The following TRABD2A variants were observed in gnomAD, a reference collection of about 807,000 sequenced individuals.
TRABD2A encodes TraB domain containing 2A, also known as metalloprotease TIKI1.
Under a neutral mutation model 45.6 loss-of-function variants are expected in TRABD2A, and 43 were observed. The observed-to-expected ratio is 0.94, with a 90% confidence interval of 0.74 to 1.22. The LOEUF (loss-of-function observed/expected upper bound fraction) is 1.22. Ranked by LOEUF, TRABD2A falls within the 50% of genes most tolerant of loss-of-function variation. TRABD2A has a pLI of 0.00. For missense variants in TRABD2A, 642 were observed against 652.4 expected, an observed-to-expected ratio of 0.98 and a Z score of 0.17; for synonymous variants, 269 against 265.0, an observed-to-expected ratio of 1.02 and a Z score of -0.15.
chr2:84,877,609 A>C (rs1398346205), intron 1 of TRABD2A, among the ~76,000 whole-genome samples: 7 of 152,138 alleles, frequency 4.6e-5, no homozygotes, highest in Admixed American at 4.6e-4. Flanking sequence ...TGTCTCAAAA[A>C]AGAAAAAAGA....
rs1434830586 is a variant in TRABD2A at position 84,834,179 on chromosome 2, C to T, written c.992-2034G>A. ...ACTTTCTCATCTGGGGTCTGCACCA[C>T]TGTTACGGTGCCTCAAGAGTGAGGC... On this transcript the variant is annotated intron_variant, in intron 4 of 6. Transcript: ENST00000409520. 6 of 152,238 alleles carry T rather than the reference C, an allele frequency of 3.9e-5. 1 individual carries two copies. The highest frequency in any genetic ancestry group is 1.4e-4 in the African/African-American group (6 of 41,456). The allele number at this position is 152,238 out of a possible 1,614,324, so 9.4% of individuals were successfully genotyped here.
intron 3 of TRABD2A, among the ~76,000 whole-genome samples, chr2:84,840,282 CT>C (rs201456313): frequency 5.9e-5 from 9 of 151,506 alleles, no homozygotes; most frequent in African/African-American, 1.7e-4. Flanking sequence ...ACTCTGTCAT[CT>C]TTTTTTTTAA....
At chr2:84,822,733 C>G (rs1277566896) in intron 6 of TRABD2A, among the ~76,000 whole-genome samples, 1 of 152,174 alleles carries the variant, frequency 6.6e-6, no homozygotes, top group Admixed American at 6.5e-5. Flanking sequence ...GACATGAACA[C>G]CATCAGAAGC....
chr2:84,871,834 G>T (rs1682880130), intron 1 of TRABD2A, among the ~76,000 whole-genome samples: 1 of 152,198 alleles, frequency 6.6e-6, no homozygotes, highest in African/African-American at 2.4e-5. Flanking sequence ...GTACCGCCAA[G>T]GTTGAAACTA....
At chr2:84,855,862 G>T (rs778804757) in intron 2 of TRABD2A, among the ~76,000 whole-genome samples, 8 of 152,066 alleles carry the variant, frequency 5.3e-5, no homozygotes, top group Non-Finnish European at 4.4e-5. Context: ...GTTCGAGTCC[G>T]GCAGATGTCT....
At chr2:84,871,765 G>A (rs1352685404) in intron 1 of TRABD2A, among the ~76,000 whole-genome samples, 3 of 152,178 alleles carry the variant, frequency 2.0e-5, no homozygotes, top group East Asian at 1.9e-4. Context: ...AATTACAGGC[G>A]TGAGCCATTG....
intron 2 of TRABD2A, among the ~76,000 whole-genome samples, chr2:84,860,763 T>C (rs1166555515): frequency 6.6e-6 from 1 of 152,270 alleles, no homozygotes; most frequent in Non-Finnish European, 1.5e-5. Context: ...TTCTCCTCTC[T>C]GCCTTGTAGG....
chr2:84,852,540 G>A (rs975198952), intron 2 of TRABD2A, among the ~76,000 whole-genome samples: 5 of 152,176 alleles, frequency 3.3e-5, no homozygotes, highest in African/African-American at 1.2e-4. Flanking sequence ...GGCAGGAGTT[G>A]CTAGCTTGGC....
intron 4 of TRABD2A, among the ~76,000 whole-genome samples, chr2:84,835,680 G>C (rs764279874): frequency 1.3e-5 from 2 of 152,164 alleles, no homozygotes; most frequent in Non-Finnish European, 2.9e-5. Context: ...GCCTCCCAAG[G>C]TGCTGGGATT....
chr2:84,867,703 AT>A (rs1425684695), intron 2 of TRABD2A, among the ~76,000 whole-genome samples: 2 of 152,228 alleles, frequency 1.3e-5, no homozygotes, highest in Admixed American at 1.3e-4. Flanking sequence ...AAGGGCTAAT[AT>A]CCAGAATCTA....
intron 2 of TRABD2A, chr2:84,843,945 A>C (rs1159572547): frequency 2.0e-5 from 3 of 152,114 alleles, no homozygotes; most frequent in African/African-American, 7.2e-5. Context: ...ACCAAAGGAG[A>C]CAGATCTCTC....
At chr2:84,877,319 C>T (rs767987843) in intron 1 of TRABD2A, among the ~76,000 whole-genome samples, 1 of 152,098 alleles carries the variant, frequency 6.6e-6, no homozygotes, top group Non-Finnish European at 1.5e-5. Flanking sequence ...CCTTCACTAC[C>T]CCATTTCACT....
At chr2:84,851,116 G>C (rs1454455230) in intron 2 of TRABD2A, 2 of 152,220 alleles carry the variant, frequency 1.3e-5, no homozygotes, top group African/African-American at 4.8e-5. Flanking sequence ...ACACAGAAAG[G>C]CCTTATTTAT....
chr2:84,835,943 A>G (rs1312982075), intron 4 of TRABD2A: 1 of 152,252 alleles, frequency 6.6e-6, no homozygotes, highest in Non-Finnish European at 1.5e-5. Context: ...ACAAGTTTTA[A>G]GGAACATTCA....
intron 3 of TRABD2A, among the ~76,000 whole-genome samples, chr2:84,840,840 A>G (rs953878518): frequency 2.0e-5 from 3 of 150,528 alleles, no homozygotes; most frequent in Non-Finnish European, 4.4e-5. Context: ...TTTCCTCTAG[A>G]TTTTTGGGGA....
intron 5 of TRABD2A, among the ~76,000 whole-genome samples, chr2:84,828,272 A>G (rs975730337): frequency 2.6e-5 from 4 of 152,132 alleles, no homozygotes; most frequent in African/African-American, 9.7e-5. Context: ...TGTCTCCCCA[A>G]TACTGGCCTA....
chr2:84,876,522 T>C (rs1361166917), intron 1 of TRABD2A, among the ~76,000 whole-genome samples: 2 of 152,206 alleles, frequency 1.3e-5, no homozygotes, highest in African/African-American at 4.8e-5. Flanking sequence ...AACTGACCTC[T>C]GGATTGAGCA....
At position 84,821,972 on chromosome 2, in the gene TRABD2A, G is replaced by C; in HGVS notation, c.1463C>G (p.Thr488Ser). Residue 488 changes from threonine to serine, a missense_variant, in exon 7 of 7, where the codon ACT (threonine) becomes AGT (serine). Transcript: ENST00000409520. ...CAGCACCAGCACCCAGAACACAGGA[G>C]TCCAGAGAGACAGGCAGGCACTGCT... The part of the protein sequence containing the change: ...VASSACLSLW[T>S]PVFWVLVLAF... The C allele has an allele frequency of 6.2e-7, 1 of 1,605,686 alleles. No homozygotes were observed.
At chr2:84,837,426 A>C (rs1199687582) in intron 4 of TRABD2A, 1 of 152,056 alleles carries the variant, frequency 6.6e-6, no homozygotes, top group African/African-American at 2.4e-5. Flanking sequence ...CATACTTTCT[A>C]GTTTTGCTCT....
Sources: allele counts gnomAD v4.1 joint callset (sites outside exome capture counted in the v4.1 genomes callset), GRCh38; gene constraint gnomAD v4.1.1; transcripts MANE v1.5; gene names NCBI Gene and HGNC (gene_info 2026-07-23, HGNC 2026-07-21).